MIF4GD: variants seen among roughly 807,000 people sequenced by gnomAD.
MIF4GD encodes the protein MIF4G domain-containing protein.
Under a neutral mutation model 26.7 loss-of-function variants are expected in MIF4GD, and 22 were observed. The observed-to-expected ratio is 0.82, with a 90% CI of 0.59 to 1.18. MIF4GD has a LOEUF of 1.18. Ranked by LOEUF, MIF4GD falls within the 50% of genes most tolerant of loss-of-function variation. The pLI, the probability that MIF4GD is intolerant of heterozygous loss-of-function variation, is 0.00. For missense variants in MIF4GD, 262 were observed against 279.6 expected, an observed-to-expected ratio of 0.94 and a Z score of 0.45; for synonymous variants, 137 against 111.6, an observed-to-expected ratio of 1.23 and a Z score of -1.43.
Position 75,267,574 on chromosome 17 carries a change from C to T in MIF4GD, c.405G>A (p.Arg135=), listed in dbSNP as rs1317000738. The part of the protein sequence containing the change: ...LVNPVYDCLF[R]LAQPDSLSKE... ...TGCTCAAACTGTCTGGCTGGGCCAG[C>T]CGGAAGAGGCAGTCATAGACAGGGT... Residue 135 remains arginine (R), a synonymous_variant, in exon 5 of 6, where the codon CGG becomes CGA. Coordinates refer to ENST00000325102, the MANE Select transcript of MIF4GD (RefSeq NM_001370592.1). 1.2e-6 allele frequency: 2 copies of T among 1,614,184 alleles called. No individual in the cohort carries two copies. The highest frequency in any genetic ancestry group is 8.5e-7 in the Non-Finnish European group (1 of 1,180,036).
intron 5 of MIF4GD, 189 bp downstream of exon 5, chr17:75,267,349 C>T: frequency 3.2e-6 from 2 of 628,140 alleles, no homozygotes; most frequent in Middle Eastern, 4.3e-4. Flanking sequence ...GTTTTGGCTG[C>T]TCTCTATTGG....
chr17:75,267,944 C>T, intron 3 of MIF4GD, 43 bp from the exon 4 acceptor site: 1 of 1,600,646 alleles, frequency 6.2e-7, no homozygotes, highest in Non-Finnish European at 8.5e-7. Flanking sequence ...GGGGCGGTGC[C>T]CCTGTAACCC....
At chr17:75,269,954 A>G (rs934456401) in intron 2 of MIF4GD, among the ~76,000 whole-genome samples, 160 bp downstream of exon 2, 1 of 151,876 alleles carries the variant, frequency 6.6e-6, no homozygotes, top group Non-Finnish European at 1.5e-5. Flanking sequence ...AATGGCCTCA[A>G]TGTAGCTTGT....
In MIF4GD at chr17:75,270,626, G is replaced by A. The variant is rs903779426; in HGVS notation, c.-50-381C>T. 13 of 181,168 alleles carry A rather than the reference G, an allele frequency of 7.2e-5. No individual in the cohort carries two copies. The highest frequency in any genetic ancestry group is 1.5e-4 in the Non-Finnish European group (13 of 85,208). 11.2% of individuals were successfully genotyped at this position (181,168 alleles called of 1,614,324 possible). On this transcript the variant is annotated intron_variant, in intron 1 of 5. Transcript: ENST00000325102. The surrounding 1 kb of genome is among the most constrained non-coding windows in gnomAD (Gnocchi z 5.7). ...CCAGGAAGATGCCGGGTGAGGGCCAGGCTGGGAACTCCAAGCGGTGCGACT... is the reference window on the plus strand; with the variant it reads ...CCAGGAAGATGCCGGGTGAGGGCCAAGCTGGGAACTCCAAGCGGTGCGACT...
intron 2 of MIF4GD, 129 bp from the exon 3 acceptor site, chr17:75,268,321 TAC>T: frequency 2.7e-6 from 2 of 729,696 alleles, no homozygotes; most frequent in South Asian, 3.2e-5. Flanking sequence ...TCAGAAATCA[TAC>T]AGAGGACAGT....
chr17:75,270,287 G>T lies in MIF4GD; in HGVS notation c.-50-42C>A. 8.5e-7 allele frequency: 1 copy of T among 1,169,816 alleles called. No homozygotes were observed. The highest frequency in any genetic ancestry group is 1.3e-6 in the Non-Finnish European group (1 of 785,520). The allele number at this position is 1,169,816 out of a possible 1,614,324, so 72.5% of individuals were successfully genotyped here. ...AAGGGAGCGGCCTCAGGTGTGGAGC[G>T]CAGGGCGGGTTCCGTCCTGCAGGCC... On this transcript the variant is annotated intron_variant, in intron 1 of 5. Transcript: ENST00000325102. The surrounding 1 kb of genome is among the most constrained non-coding windows in gnomAD (Gnocchi z 5.7).
chr17:75,270,269 C>T lies in MIF4GD; in HGVS notation c.-50-24G>A. 3.7e-6 allele frequency: 5 copies of T among 1,363,056 alleles called. No individual in the cohort carries two copies. The highest frequency in any genetic ancestry group is 2.3e-5 in the South Asian group (2 of 85,878). The allele number at this position is 1,363,056 out of a possible 1,614,324, so 84.4% of individuals were successfully genotyped here. On this transcript the variant is annotated intron_variant, in intron 1 of 5. Transcript: ENST00000325102. The surrounding 1 kb of genome is among the most constrained non-coding windows in gnomAD (Gnocchi z 5.7). ...ACCTGAGGAGAAGAGGCGAAGGGAGCGGCCTCAGGTGTGGAGCGCAGGGCG... is the reference window on the plus strand; with the variant it reads ...ACCTGAGGAGAAGAGGCGAAGGGAGTGGCCTCAGGTGTGGAGCGCAGGGCG...
At position 75,270,247 on chromosome 17, in the gene MIF4GD, T is replaced by C; in HGVS notation, c.-50-2A>G. The stretch of plus-strand genomic sequence containing the variant: ...CTGGGCTGGGAATAAGGACAGCACC[T>C]GAGGAGAAGAGGCGAAGGGAGCGGC... On this transcript the variant is annotated splice_acceptor_variant, in intron 1 of 5. Transcript: ENST00000325102. LOFTEE classifies it low-confidence loss of function (5UTR_SPLICE). The surrounding 1 kb of genome is among the most constrained non-coding windows in gnomAD (Gnocchi z 5.7). 1 of 1,507,334 alleles carries C rather than the reference T, an allele frequency of 6.6e-7. No homozygotes were observed. The highest frequency in any genetic ancestry group is 1.7e-5 in the Admixed American group (1 of 59,844). 93.4% of individuals were successfully genotyped at this position (1,507,334 alleles called of 1,614,324 possible).
chr17:75,270,523 A>G lies in MIF4GD; in HGVS notation c.-50-278T>C, dbSNP rs2077695627. The G allele has an allele frequency of 3.2e-6, 1 of 313,606 alleles. No individual in the cohort carries two copies. The highest frequency in any genetic ancestry group is 2.2e-5 in the African/African-American group (1 of 46,156). The allele number at this position is 313,606 out of a possible 1,614,324, so 19.4% of individuals were successfully genotyped here. On this transcript the variant is annotated intron_variant, in intron 1 of 5. Coordinates refer to ENST00000325102, the MANE Select transcript of MIF4GD (RefSeq NM_001370592.1). This position sits in a 1 kb window ranked among gnomAD's most constrained non-coding sequence, Gnocchi z 5.7. ...GCGCCCACCCTCCAGTCCCAGCAGG[A>G]GGCAGGAGTAGACTGGGGCAGGGTG...
At position 75,266,606 on chromosome 17, in the gene MIF4GD, T is replaced by G. The variant is rs563297780; in HGVS notation, c.*134A>C. 1 of 806,410 alleles carries G rather than the reference T, an allele frequency of 1.2e-6. No individual in the cohort carries two copies. The highest frequency in any genetic ancestry group is 2.0e-6 in the Non-Finnish European group (1 of 491,284). 50.0% of individuals were successfully genotyped at this position (806,410 alleles called of 1,614,324 possible). ...AAGTGGGAAACATCTCACCAGGAGA[T>G]GGGAAAGTCTAGAAGGGAAGACACT... is the stretch of plus-strand genomic sequence containing the variant. On this transcript the variant is annotated 3_prime_UTR_variant, in exon 6 of 6. Transcript: ENST00000325102.
chr17:75,268,068 C>T lies in MIF4GD; in HGVS notation c.192+15G>A, dbSNP rs372444588. 13 of 1,613,514 alleles carry T rather than the reference C, an allele frequency of 8.1e-6. No homozygotes were observed. Among genetic ancestry groups the T allele is most frequent in the Non-Finnish European group, 1.1e-5 (13 of 1,179,534 alleles). ...CTTCCTCAAAGCAGCTTCCTTTCCT[C>T]TCCCAACCCCCAACCTGAATGATGG... On this transcript the variant is annotated intron_variant, in intron 3 of 5. Transcript: ENST00000325102.
In MIF4GD at chr17:75,266,615, C is replaced by G; in HGVS notation, c.*125G>C. The G allele has an allele frequency of 1.1e-6, 1 of 879,854 alleles. No homozygotes were observed. The highest frequency in any genetic ancestry group is 1.5e-5 in the South Asian group (1 of 65,388). The allele number at this position is 879,854 out of a possible 1,614,324, so 54.5% of individuals were successfully genotyped here. On this transcript the variant is annotated 3_prime_UTR_variant, in exon 6 of 6. Coordinates refer to ENST00000325102, the MANE Select transcript of MIF4GD (RefSeq NM_001370592.1). The stretch of plus-strand genomic sequence containing the variant: ...ACATCTCACCAGGAGATGGGAAAGT[C>G]TAGAAGGGAAGACACTCAAAGTCTG...
Position 75,266,856 on chromosome 17 carries a change from T to G in MIF4GD, c.553A>C (p.Thr185Pro). 6.2e-7 allele frequency: 1 copy of G among 1,614,128 alleles called. No individual in the cohort carries two copies. Among genetic ancestry groups the G allele is most frequent in the Non-Finnish European group, 8.5e-7 (1 of 1,180,028 alleles). The change falls in exon 6 of 6, where the codon ACT becomes CCT. Residue 185 changes from threonine (T) to proline (P), a missense_variant. Physicochemically the swap from Thr to Pro is conservative, Grantham distance 38 (BLOSUM62 -1). Coordinates refer to ENST00000325102, the MANE Select transcript of MIF4GD (RefSeq NM_001370592.1). Reference protein sequence around the residue: ...VLIRDGFLLPTGLSSLAQLLL... With the variant: ...VLIRDGFLLPPGLSSLAQLLL... ...AGCTGGGCCAGGGAGCTGAGGCCAG[T>G]TGGGAGCAGGAAGCCATCCCGGATC...
rs2077504486 is a variant in MIF4GD, at chr17:75,266,886, CAA to C, written c.521_522del (p.Phe174CysfsTer26). Reference protein sequence around the residue: ...KMNGQRMDELFVLIRDGFLLP... With the variant: ...KMNGQRMDELXVLIRDGFLLP... Reference sequence around the variant, plus strand: ...AGCAGGAAGCCATCCCGGATCAGCACAAAGAGCTCATCCATGCGCTGCCCATT... The same window carrying C: ...AGCAGGAAGCCATCCCGGATCAGCACAGAGCTCATCCATGCGCTGCCCATT... On this transcript the variant is annotated frameshift_variant, in exon 6 of 6. Coordinates refer to ENST00000325102, the MANE Select transcript of MIF4GD (RefSeq NM_001370592.1). LOFTEE classifies it high-confidence loss of function. 6.2e-7 allele frequency: 1 copy of C among 1,614,212 alleles called. No individual in the cohort carries two copies. Among genetic ancestry groups the C allele is most frequent in the Non-Finnish European group, 8.5e-7 (1 of 1,180,044 alleles).
At position 75,266,651 on chromosome 17, in the gene MIF4GD, G is replaced by A; in HGVS notation, c.*89C>T. 1.6e-6 allele frequency: 2 copies of A among 1,243,446 alleles called. No individual in the cohort carries two copies. Among genetic ancestry groups the A allele is most frequent in the Non-Finnish European group, 1.2e-6 (1 of 848,376 alleles). 77.0% of individuals were successfully genotyped at this position (1,243,446 alleles called of 1,614,324 possible). A position where few individuals can be genotyped will look rare whatever the true frequency, so the allele number is the denominator to read the frequency against. On this transcript the variant is annotated 3_prime_UTR_variant, in exon 6 of 6. Coordinates refer to ENST00000325102, the MANE Select transcript of MIF4GD (RefSeq NM_001370592.1). ...GACACTCAAAGTCTGGAAGGGAAAA[G>A]TCTTTGGGTGAGGCAGAGACTCCAC... is the stretch of plus-strand genomic sequence containing the variant.
chr17:75,267,959 C>G (rs936943281), intron 3 of MIF4GD, 58 bp from the exon 4 acceptor site: 39 of 1,598,842 alleles, frequency 2.4e-5, no homozygotes, highest in Non-Finnish European at 3.2e-5. Context: ...TAACCCCACC[C>G]ATCCTATGCC....
intron 5 of MIF4GD, 51 bp downstream of exon 5, chr17:75,267,487 A>G: frequency 6.4e-7 from 1 of 1,573,842 alleles, no homozygotes; most frequent in Non-Finnish European, 8.7e-7. Flanking sequence ...GCTGAGCTGG[A>G]CTGTCCATCC....
rs948830903 is a variant in MIF4GD at position 75,270,775 on chromosome 17, G to A, written c.-51+369C>T. 2.6e-5 allele frequency among the ~76,000 whole-genome samples: 4 copies of A among 152,184 alleles called. No individual in the cohort carries two copies. The highest frequency in any genetic ancestry group is 4.4e-5 in the Non-Finnish European group (3 of 68,014). ...GGGGCCGGCCTGCGTGGGTGGGGAC[G>A]CAGGCGCCCTGTCCGCCGCCCCTGC... On this transcript the variant is annotated intron_variant, in intron 1 of 5. Coordinates refer to ENST00000325102, the MANE Select transcript of MIF4GD (RefSeq NM_001370592.1). This position sits in a 1 kb window ranked among gnomAD's most constrained non-coding sequence, Gnocchi z 5.7.
intron 5 of MIF4GD, 53 bp downstream of exon 5, chr17:75,267,485 G>T: frequency 6.4e-7 from 1 of 1,567,128 alleles, no homozygotes; most frequent in Non-Finnish European, 8.8e-7. Context: ...CGGCTGAGCT[G>T]GACTGTCCAT....
Sources: gnomAD v4.1 joint callset for allele counts (sites outside exome capture counted in the v4.1 genomes callset) on GRCh38, gnomAD v4.1.1 for gene constraint, Gnocchi (gnomAD v3.1) non-coding constraint, MANE v1.5 for transcripts, NCBI Gene and HGNC (gene_info 2026-07-23, HGNC 2026-07-21) for gene names.